Variants in TINAG observed in about 807,000 individuals in gnomAD.
TINAG encodes the protein tubulointerstitial nephritis antigen.
A neutral mutation model predicts 72.7 loss-of-function variants in TINAG; 83 were observed. That is an observed-to-expected ratio of 1.14 (90% CI 0.96 to 1.37). TINAG has a LOEUF of 1.37. TINAG is among the 40% of genes most tolerant of loss of function. The probability of loss-of-function intolerance (pLI) is 0.00; values close to 1 mark genes in which losing one functional copy is unlikely to be tolerated. For synonymous variants in TINAG, 234 were observed against 189.9 expected (o/e 1.23, Z -1.91); for missense variants, 685 against 576.6 (o/e 1.19, Z -1.93).
At chr6:54,320,721 C>A (rs1784471954) in intron 2 of TINAG, 79 bp downstream of exon 2, 5 of 1,153,686 alleles carry the variant, frequency 4.3e-6, no homozygotes, top group Non-Finnish European at 6.2e-6. Context: ...ATTTGTGAAC[C>A]AAAGTATACA....
At position 54,343,300 on chromosome 6, in the gene TINAG, C is replaced by T. The variant is rs761157008; in HGVS notation, c.699C>T (p.Gly233=). The change falls in exon 5 of 11, where the codon GGC becomes GGT. Residue 233 remains glycine, a synonymous_variant. Coordinates refer to ENST00000259782, the MANE Select transcript of TINAG (RefSeq NM_014464.4). ...ATAAATGGCCTGGATGGACTCATGG[C>T]CCATTGGATCAAAAAAATTGTGCTG... ...ASYKWPGWTH[G]PLDQKNCAAS... is the part of the protein sequence containing the mutation. The T allele has an allele frequency of 8.9e-6, 14 of 1,572,188 alleles. No homozygotes were observed. The highest frequency in any genetic ancestry group is 1.4e-5 in the African/African-American group (1 of 73,622).
chr6:54,322,619 A>C (rs187412460), intron 3 of TINAG, among the ~76,000 whole-genome samples: 1 of 152,328 alleles, frequency 6.6e-6, no homozygotes. Flanking sequence ...TCCCAGCATA[A>C]TGGGGACACT....
chr6:54,381,421 T>C (rs1367290915), intron 10 of TINAG, among the ~76,000 whole-genome samples: 4 of 151,782 alleles, frequency 2.6e-5, no homozygotes, highest in African/African-American at 9.7e-5. Context: ...TAAATTTAAA[T>C]GTACACAGTA....
At chr6:54,323,591 TA>T (rs1265010823) in intron 3 of TINAG, among the ~76,000 whole-genome samples, 1 of 152,238 alleles carries the variant, frequency 6.6e-6, no homozygotes, top group African/African-American at 2.4e-5. Flanking sequence ...TTCTCTGTAT[TA>T]TTTTTTAATG....
intron 1 of TINAG, among the ~76,000 whole-genome samples, chr6:54,309,341 G>T (rs1220332985): frequency 6.6e-6 from 1 of 152,120 alleles, no homozygotes; most frequent in Non-Finnish European, 1.5e-5. Context: ...AAGGGCTAAT[G>T]GATGCACTAG....
Position 54,343,301 on chromosome 6 carries a change from C to T in TINAG, c.700C>T (p.Pro234Ser). The T allele has an allele frequency of 6.4e-7, 1 of 1,570,942 alleles. No individual in the cohort carries two copies. Among genetic ancestry groups the T allele is most frequent in the South Asian group, 1.2e-5 (1 of 82,442 alleles). The stretch of plus-strand genomic sequence containing the variant: ...TAAATGGCCTGGATGGACTCATGGC[C>T]CATTGGATCAAAAAAATTGTGCTGC... ...SYKWPGWTHG[P>S]LDQKNCAASW... Residue 234 changes from proline (P) to serine (S), a missense_variant, in exon 5 of 11, where the codon CCA becomes TCA. Physicochemically the swap from Pro to Ser is moderately conservative, Grantham distance 74. Coordinates refer to ENST00000259782, the MANE Select transcript of TINAG (RefSeq NM_014464.4).
chr6:54,309,019 T>C, intron 1 of TINAG, 114 bp downstream of exon 1: 1 of 982,132 alleles, frequency 1.0e-6, no homozygotes, highest in Non-Finnish European at 1.5e-6. Context: ...ATGAAAATGA[T>C]TATTGTGATT....
intron 4 of TINAG, chr6:54,327,137 T>C (rs1161133303): frequency 1.3e-6 from 2 of 1,548,592 alleles, no homozygotes. Flanking sequence ...ATAGTCTCCT[T>C]TAGGAATGAT....
intron 9 of TINAG, among the ~76,000 whole-genome samples, chr6:54,371,110 C>CTGTGTGTGTGTG (rs70983416): frequency 2.9e-4 from 43 of 149,082 alleles, no homozygotes; most frequent in African/African-American, 1.0e-3. Flanking sequence ...CTTACGAAAA[C>CTGTGTGTGTGTG]TGTGTGTGTG....
chr6:54,328,354 T>G (rs1784657203), intron 4 of TINAG, among the ~76,000 whole-genome samples: 1 of 151,896 alleles, frequency 6.6e-6, no homozygotes, highest in Non-Finnish European at 1.5e-5. Context: ...TCTAGCAAAC[T>G]CCAGCAGACC....
intron 9 of TINAG, among the ~76,000 whole-genome samples, chr6:54,375,021 C>A (rs2150978736): frequency 6.6e-6 from 1 of 152,180 alleles, no homozygotes; most frequent in East Asian, 1.9e-4. Flanking sequence ...CCAGAAATAG[C>A]AAATCTTCCA....
chr6:54,322,496 A>G (rs536014566), intron 3 of TINAG, among the ~76,000 whole-genome samples: 1 of 152,332 alleles, frequency 6.6e-6, no homozygotes, highest in Admixed American at 6.5e-5. Context: ...ACATTTCTGG[A>G]AAAGATTTCA....
intron 5 of TINAG, among the ~76,000 whole-genome samples, chr6:54,346,474 T>G (rs1451268762): frequency 2.0e-5 from 3 of 151,630 alleles, no homozygotes; most frequent in Non-Finnish European, 2.9e-5. Flanking sequence ...ATAAATATAT[T>G]ATTAGTTGTA....
chr6:54,319,999 A>G (rs918128603), intron 1 of TINAG, among the ~76,000 whole-genome samples: 19 of 144,942 alleles, frequency 1.3e-4, no homozygotes, highest in African/African-American at 4.6e-4. Flanking sequence ...GTTAATAACT[A>G]GTTTCAGTTA....
At chr6:54,334,150 C>T (rs1209492080) in intron 4 of TINAG, among the ~76,000 whole-genome samples, 1 of 152,168 alleles carries the variant, frequency 6.6e-6, no homozygotes, top group Non-Finnish European at 1.5e-5. Context: ...GTGGTGTTCT[C>T]CAGGCACATA....
chr6:54,357,519 T>C (rs543047488), intron 9 of TINAG, among the ~76,000 whole-genome samples: 1 of 152,118 alleles, frequency 6.6e-6, no homozygotes, highest in South Asian at 2.1e-4. Flanking sequence ...CTTCTCCCTT[T>C]ATTCTTGCTA....
At chr6:54,375,760 T>C (rs1026531072) in intron 9 of TINAG, among the ~76,000 whole-genome samples, 1 of 152,178 alleles carries the variant, frequency 6.6e-6, no homozygotes, top group African/African-American at 2.4e-5. Context: ...CTTACATTCT[T>C]ATTCAGAATT....
intron 9 of TINAG, among the ~76,000 whole-genome samples, chr6:54,360,859 T>G (rs940080909): frequency 1.6e-5 from 2 of 127,994 alleles, no homozygotes; most frequent in African/African-American, 3.3e-5. Flanking sequence ...TTTTTTTTTT[T>G]TTTTTTTTTT....
intron 9 of TINAG, among the ~76,000 whole-genome samples, chr6:54,356,306 G>A (rs563202340): frequency 3.9e-5 from 6 of 151,962 alleles, no homozygotes; most frequent in East Asian, 1.9e-4. Context: ...AGGGCAAGGC[G>A]AGTGGATTGC....
Sources: gnomAD v4.1 joint callset for allele counts (sites outside exome capture counted in the v4.1 genomes callset) on GRCh38, gnomAD v4.1.1 for gene constraint, MANE v1.5 for transcripts, NCBI Gene and HGNC (gene_info 2026-07-23, HGNC 2026-07-21) for gene names.